Variants in GALNTL6 observed in about 807,000 individuals in gnomAD.
GALNTL6 encodes the protein polypeptide N-acetylgalactosaminyltransferase like 6.
In GALNTL6, 46 loss-of-function variants were observed where a neutral mutation model predicts 73.7. The ratio of observed to expected loss-of-function variants is 0.62; its 90% confidence interval spans 0.49 to 0.80. The LOEUF (loss-of-function observed/expected upper bound fraction) is 0.80. Ranked by LOEUF, GALNTL6 falls within the 30% of genes least tolerant of loss-of-function variation. The probability of loss-of-function intolerance (pLI) is 0.00; values close to 1 mark genes in which losing one functional copy is unlikely to be tolerated. For missense variants in GALNTL6, 604 were observed against 755.0 expected, an observed-to-expected ratio of 0.80 and a Z score of 2.34; for synonymous variants, 259 against 263.7, an observed-to-expected ratio of 0.98 and a Z score of 0.17.
At chr4:172,651,590 A>G (rs902415355) in intron 5 of GALNTL6, among the ~76,000 whole-genome samples, 2 of 152,206 alleles carry the variant, frequency 1.3e-5, no homozygotes, top group East Asian at 3.8e-4. Context: ...TTTGTGAACA[A>G]GGAGAAAAAT....
At chr4:172,604,126 A>G (rs1394855129) in intron 5 of GALNTL6, among the ~76,000 whole-genome samples, 1 of 152,162 alleles carries the variant, frequency 6.6e-6, no homozygotes, top group Admixed American at 6.6e-5. Context: ...ATGATTTTTT[A>G]TCATTCTTTA....
At chr4:172,449,983 C>A (rs902579371) in intron 5 of GALNTL6, among the ~76,000 whole-genome samples, 4 of 152,060 alleles carry the variant, frequency 2.6e-5, no homozygotes, top group Non-Finnish European at 2.9e-5. Flanking sequence ...CTTTGGGAGG[C>A]CGAGGGGTTG....
intron 5 of GALNTL6, among the ~76,000 whole-genome samples, chr4:172,578,774 A>G (rs1313215730): frequency 6.6e-6 from 1 of 152,250 alleles, no homozygotes; most frequent in African/African-American, 2.4e-5. Flanking sequence ...TAGCCAGTAT[A>G]TATATTTCAG....
chr4:172,195,279 A>C (rs1448979686), intron 2 of GALNTL6, among the ~76,000 whole-genome samples: 1 of 152,216 alleles, frequency 6.6e-6, no homozygotes, highest in African/African-American at 2.4e-5. Context: ...GAGCACCCAG[A>C]TTCATAAAAC....
intron 5 of GALNTL6, among the ~76,000 whole-genome samples, chr4:172,591,417 A>G (rs1032957404): frequency 1.1e-4 from 4 of 35,730 alleles, no homozygotes; most frequent in Non-Finnish European, 2.9e-4. Flanking sequence ...GAAACGCATA[A>G]TTAGTATTTC....
chr4:172,732,846 C>T (rs780057596), intron 5 of GALNTL6, among the ~76,000 whole-genome samples: 2 of 152,212 alleles, frequency 1.3e-5, no homozygotes, highest in Non-Finnish European at 2.9e-5. Flanking sequence ...CAATTCTACA[C>T]TTTATCTCCA....
In GALNTL6 at chr4:173,004,310, A is replaced by G. The variant is rs985529752; in HGVS notation, c.1372-4868A>G. Among the ~76,000 whole-genome samples the G allele has an allele frequency of 4.6e-5, 7 of 152,342 alleles. No homozygotes were observed. In the East Asian group the frequency reaches 1.3e-3, roughly 29 times the overall value. The stretch of plus-strand genomic sequence containing the variant: ...TGTCTTCTGTCTTTCCAGCTCTGCA[A>G]ATAAATTTGCATTCTAAAATCAACT... On this transcript the variant is annotated intron_variant, in intron 10 of 12. Coordinates refer to ENST00000506823, the MANE Select transcript of GALNTL6 (RefSeq NM_001034845.3).
At chr4:171,841,450 C>T (rs1262351559) in intron 2 of GALNTL6, among the ~76,000 whole-genome samples, 1 of 151,958 alleles carries the variant, frequency 6.6e-6, no homozygotes, top group East Asian at 1.9e-4. Flanking sequence ...ACAAATATAG[C>T]TTAAGTGAAT....
chr4:171,878,424 A>G (rs1326731461), intron 2 of GALNTL6, among the ~76,000 whole-genome samples: 1 of 152,142 alleles, frequency 6.6e-6, no homozygotes, highest in Non-Finnish European at 1.5e-5. Context: ...AGCAATTTCT[A>G]CCCTGTCTCT....
chr4:172,263,531 T>A (rs532486625), intron 3 of GALNTL6, among the ~76,000 whole-genome samples: 2 of 151,574 alleles, frequency 1.3e-5, no homozygotes, highest in East Asian at 3.9e-4. Context: ...TGTATTTTTT[T>A]AAATTTAAGT....
At chr4:172,251,351 C>T (rs1336689110) in intron 3 of GALNTL6, among the ~76,000 whole-genome samples, 2 of 152,082 alleles carry the variant, frequency 1.3e-5, no homozygotes, top group African/African-American at 4.8e-5. Flanking sequence ...TCAATCTCAT[C>T]GAAAGGAACT....
chr4:172,621,998 T>C lies in GALNTL6; in HGVS notation c.554-187363T>C, dbSNP rs183467508. Among the ~76,000 whole-genome samples the C allele has an allele frequency of 9.2e-4, 140 of 152,282 alleles. 1 individual carries two copies. Among genetic ancestry groups the C allele is most frequent in the African/African-American group, 3.1e-3 (127 of 41,556 alleles). On this transcript the variant is annotated intron_variant, in intron 5 of 12. Transcript: ENST00000506823. ...TCCAGGGTCCCACTCCTCCATATGCTGCCCAACGTCAAGCTCTTCCTCGAT... is the reference window on the plus strand; with the variant it reads ...TCCAGGGTCCCACTCCTCCATATGCCGCCCAACGTCAAGCTCTTCCTCGAT...
At chr4:171,859,516 G>A (rs1462370055) in intron 2 of GALNTL6, among the ~76,000 whole-genome samples, 1 of 152,030 alleles carries the variant, frequency 6.6e-6, no homozygotes, top group Non-Finnish European at 1.5e-5. Context: ...CTGCAAGGAT[G>A]CATGGAACTG....
chr4:171,953,225 C>CGTGTGTGTGTGTGT lies in GALNTL6; in HGVS notation c.138+138534_138+138547dup, dbSNP rs36214606. ...AATTAAAATGGTGTGCGCATGCGCA[C>CGTGTGTGTGTGTGT]GTGTGTGTGTGTGTGTGTGTGTGTG... On this transcript the variant is annotated intron_variant, in intron 2 of 12. Transcript: ENST00000506823. Among the ~76,000 whole-genome samples the CGTGTGTGTGTGTGT allele has an allele frequency of 3.5e-4, 52 of 147,120 alleles. 1 individual carries two copies. The East Asian group carries it at 7.5e-3, about 21-fold the overall frequency.
chr4:172,654,274 T>C (rs1730859449), intron 5 of GALNTL6, among the ~76,000 whole-genome samples: 1 of 152,192 alleles, frequency 6.6e-6, no homozygotes, highest in South Asian at 2.1e-4. Flanking sequence ...GGCTGTGCAC[T>C]GTAAGTACAA....
intron 5 of GALNTL6, among the ~76,000 whole-genome samples, chr4:172,585,021 ACT>A (rs1737346945): frequency 6.6e-6 from 1 of 152,210 alleles, no homozygotes; most frequent in Non-Finnish European, 1.5e-5. Flanking sequence ...CATAAAATGC[ACT>A]GTTTCTAGTA....
chr4:172,707,972 A>T (rs1422878714), intron 5 of GALNTL6, among the ~76,000 whole-genome samples: 1 of 152,092 alleles, frequency 6.6e-6, no homozygotes, highest in Admixed American at 6.6e-5. Flanking sequence ...GAGAAGAGGG[A>T]TCAAAGAAAC....
intron 4 of GALNTL6, among the ~76,000 whole-genome samples, chr4:172,325,117 AAAG>A: frequency 6.6e-6 from 1 of 152,020 alleles, no homozygotes; most frequent in African/African-American, 2.4e-5. Flanking sequence ...TAAGAAAAAA[AAAG>A]AGAACAACAC....
At chr4:172,484,403 G>A (rs1733601243) in intron 5 of GALNTL6, among the ~76,000 whole-genome samples, 1 of 152,186 alleles carries the variant, frequency 6.6e-6, no homozygotes. Context: ...AAAGATATCA[G>A]TGTAACAGGA....
Sources: allele counts gnomAD v4.1 joint callset (sites outside exome capture counted in the v4.1 genomes callset), GRCh38; gene constraint gnomAD v4.1.1; transcripts MANE v1.5; gene names NCBI Gene and HGNC (gene_info 2026-07-23, HGNC 2026-07-21).